TSPAN16: variants seen among roughly 807,000 people sequenced by gnomAD.
The protein encoded by TSPAN16 is tetraspanin 16.
Under a neutral mutation model 25.2 loss-of-function variants are expected in TSPAN16, and 23 were observed. That is an observed-to-expected ratio of 0.91 (90% CI 0.66 to 1.29). The LOEUF is 1.29. TSPAN16 is among the 50% of genes most tolerant of loss of function. TSPAN16 has a pLI of 0.00. For synonymous variants in TSPAN16, 123 were observed against 124.4 expected, an observed-to-expected ratio of 0.99 and a Z score of 0.08; for missense variants, 272 against 299.9, an observed-to-expected ratio of 0.91 and a Z score of 0.69.
chr19:11,316,119 T>TGTGTGTGTGG (rs1491440242), downstream of TSPAN16: 21 of 128,082 alleles, frequency 1.6e-4, no homozygotes, highest in Admixed American at 1.4e-3. Context: ...GTGTGTGTGG[T>TGTGTGTGTGG]TTTTTTTTTT....
rs546705606 is a variant in TSPAN16 at position 11,306,878 on chromosome 19, C to T, written c.603+122C>T. 7.7e-5 allele frequency: 76 copies of T among 983,320 alleles called. 1 individual carries two copies. In the Middle Eastern group the frequency reaches 1.6e-3, roughly 21 times the overall value. The allele number at this position is 983,320 out of a possible 1,614,324, so 60.9% of individuals were successfully genotyped here. A position where few individuals can be genotyped will look rare whatever the true frequency, so the allele number is the denominator to read the frequency against. On this transcript the variant is annotated intron_variant, in intron 5 of 6. Transcript: ENST00000590327. ...TCACCCAGGCTGGAGTGCAGTGGTG[C>T]GATCTCGGCTCACTGCAACCTCCGC...
intron 1 of TSPAN16, among the ~76,000 whole-genome samples, chr19:11,296,943 G>A (rs890989060): frequency 6.6e-6 from 1 of 152,188 alleles, no homozygotes; most frequent in Non-Finnish European, 1.5e-5. Flanking sequence ...AGGAGGCTGA[G>A]GCATGTGAAT....
chr19:11,306,515 CA>C (rs2080627672), intron 4 of TSPAN16, 88 bp from the exon 5 acceptor site: 1 of 1,489,660 alleles, frequency 6.7e-7, no homozygotes, highest in South Asian at 1.2e-5. Flanking sequence ...ATATTGTGAC[CA>C]TACTAGACGG....
At chr19:11,318,269 C>A (rs1346762245), downstream of TSPAN16, among the ~76,000 whole-genome samples, 1 of 152,010 alleles carries the variant, frequency 6.6e-6, no homozygotes, top group Non-Finnish European at 1.5e-5. Context: ...TCGTGATCCG[C>A]CCCCCTAGGC....
intron 4 of TSPAN16, among the ~76,000 whole-genome samples, chr19:11,303,596 A>C (rs1268224995): frequency 3.4e-5 from 5 of 148,408 alleles, no homozygotes; most frequent in Non-Finnish European, 7.4e-5. Flanking sequence ...AAAAAAAAAA[A>C]ACTCCTGGCC....
In TSPAN16 at chr19:11,298,947, G is replaced by A. The variant is rs1466684524; in HGVS notation, c.342+1G>A. ...AGTGGTCCTTCTTTTCTTTCCAATT[G>A]TAAGTACAGCCCTGCTCCTCCCACA... On this transcript the variant is annotated splice_donor_variant, in intron 3 of 6. Transcript: ENST00000590327. LOFTEE classifies it high-confidence loss of function. 4 of 1,613,614 alleles carry A rather than the reference G, an allele frequency of 2.5e-6. No individual in the cohort carries two copies. Among genetic ancestry groups the A allele is most frequent in the Non-Finnish European group, 2.5e-6 (3 of 1,179,688 alleles).
chr19:11,315,524 C>T (rs533710781), intron 6 of TSPAN16, among the ~76,000 whole-genome samples: 68 of 151,034 alleles, frequency 4.5e-4, no homozygotes, highest in African/African-American at 1.6e-3. Context: ...CCACTGCACT[C>T]CAGCCTGGGC....
exon 7 of TSPAN16, chr19:11,326,813 T>A: frequency 1.5e-6 from 1 of 688,214 alleles, no homozygotes; most frequent in Non-Finnish European, 2.6e-6. Flanking sequence ...TCTCGCTATG[T>A]TGCGCAGGCT....
chr19:11,318,105 C>G (rs1404534517), downstream of TSPAN16, among the ~76,000 whole-genome samples: 2 of 151,980 alleles, frequency 1.3e-5, no homozygotes, highest in African/African-American at 4.8e-5. Flanking sequence ...CGGCTCACTG[C>G]GAGCTCCGCC....
At chr19:11,314,017 TCAAC>T (rs1166444337) in intron 6 of TSPAN16, among the ~76,000 whole-genome samples, 1 of 152,168 alleles carries the variant, frequency 6.6e-6, no homozygotes, top group African/African-American at 2.4e-5. Context: ...AAAATATTAT[TCAAC>T]AACAAAAACT....
At chr19:11,326,094 C>T (rs1004813365) in intron 6 of TSPAN16, among the ~76,000 whole-genome samples, 5 of 151,736 alleles carry the variant, frequency 3.3e-5, no homozygotes, top group African/African-American at 7.3e-5. Flanking sequence ...TGGTGGCACG[C>T]GTCTGTAATC....
chr19:11,314,421 T>C (rs322143), intron 6 of TSPAN16, among the ~76,000 whole-genome samples: 86,597 of 152,042 alleles, frequency 0.57, 25,892 homozygotes, highest in African/African-American at 0.74. Context: ...ACATGCTTTC[T>C]GCACATTGAC....
intron 3 of TSPAN16, among the ~76,000 whole-genome samples, chr19:11,299,324 G>A (rs550608309): frequency 9.3e-5 from 14 of 150,092 alleles, no homozygotes; most frequent in South Asian, 8.5e-4. Context: ...GCCCCTCCCC[G>A]CCAGGCACCC....
chr19:11,307,337 C>T (rs2147947155), intron 5 of TSPAN16, among the ~76,000 whole-genome samples: 1 of 151,134 alleles, frequency 6.6e-6, no homozygotes, highest in East Asian at 2.0e-4. Context: ...CCAGGCTGGT[C>T]TCAAACTCCT....
At chr19:11,299,664 T>C (rs769496555) in intron 3 of TSPAN16, among the ~76,000 whole-genome samples, 1 of 152,206 alleles carries the variant, frequency 6.6e-6, no homozygotes, top group African/African-American at 2.4e-5. Context: ...ATCACATTCA[T>C]GCCAGGGCAT....
intron 2 of TSPAN16, among the ~76,000 whole-genome samples, chr19:11,298,623 G>A (rs1201408672): frequency 6.6e-6 from 1 of 151,914 alleles, no homozygotes; most frequent in Non-Finnish European, 1.5e-5. Flanking sequence ...TAGTAGAGAC[G>A]GGATTTTGCC....
intron 6 of TSPAN16, chr19:11,324,774 A>T (rs1486505287): frequency 6.6e-6 from 1 of 152,394 alleles, no homozygotes; most frequent in Non-Finnish European, 1.5e-5. Flanking sequence ...AGGGGATCTG[A>T]CTCCCTGTCC....
At chr19:11,321,623 G>C (rs2147962502) in intron 6 of TSPAN16, among the ~76,000 whole-genome samples, 1 of 152,342 alleles carries the variant, frequency 6.6e-6, no homozygotes, top group East Asian at 1.9e-4. Flanking sequence ...GCAGCAAGTA[G>C]GCCAGAGTGG....
chr19:11,301,571 T>C (rs993160872), intron 4 of TSPAN16, among the ~76,000 whole-genome samples: 3 of 149,358 alleles, frequency 2.0e-5, no homozygotes, highest in Non-Finnish European at 4.4e-5. Flanking sequence ...ACCCAGGAGG[T>C]AGAGGTTGCA....
Sources: allele counts gnomAD v4.1 joint callset (sites outside exome capture counted in the v4.1 genomes callset), GRCh38; gene constraint gnomAD v4.1.1; transcripts MANE v1.5; gene names NCBI Gene and HGNC (gene_info 2026-07-23, HGNC 2026-07-21).